The following U2SURP variants were observed in gnomAD, a reference collection of about 807,000 sequenced individuals.
The protein encoded by U2SURP is U2 snRNP-associated SURP motif-containing protein.
Under a neutral mutation model 144.9 loss-of-function variants are expected in U2SURP, and 9 were observed. The observed-to-expected ratio is 0.06, with a 90% CI of 0.04 to 0.11. U2SURP has a LOEUF of 0.11. Ranked by LOEUF, U2SURP falls within the 10% of genes least tolerant of loss-of-function variation. The pLI, the probability that U2SURP is intolerant of heterozygous loss-of-function variation, is 1.00. For missense variants in U2SURP, 724 were observed against 1,226.7 expected (o/e 0.59, Z 6.12); for synonymous variants, 408 against 396.8 (o/e 1.03, Z -0.33).
At chr3:143,021,591 T>C in intron 10 of U2SURP, 36 bp downstream of exon 10, 1 of 1,559,778 alleles carries the variant, frequency 6.4e-7, no homozygotes, top group Non-Finnish European at 8.7e-7. Flanking sequence ...ATTGATATGC[T>C]TTATGCTTTT....
At chr3:143,024,556 G>C (rs180711443) in intron 13 of U2SURP, 2 of 424,492 alleles carry the variant, frequency 4.7e-6, no homozygotes, top group East Asian at 1.5e-4. Flanking sequence ...AAGGTATTTG[G>C]AATTCTTTTA....
At chr3:143,054,414 T>C (rs900653637) in intron 26 of U2SURP, among the ~76,000 whole-genome samples, 5 of 152,232 alleles carry the variant, frequency 3.3e-5, no homozygotes, top group Non-Finnish European at 5.9e-5. Flanking sequence ...TAACAAGTTA[T>C]GCCAATTGGT....
chr3:143,035,417 A>G (rs1349378300), intron 19 of U2SURP, among the ~76,000 whole-genome samples: 1 of 152,192 alleles, frequency 6.6e-6, no homozygotes, highest in East Asian at 1.9e-4. Context: ...ATATGCTTTC[A>G]TGGGAAGAAG....
intron 13 of U2SURP, 42 bp from the exon 14 acceptor site, chr3:143,027,107 G>C: frequency 3.5e-6 from 5 of 1,426,252 alleles, no homozygotes; most frequent in Non-Finnish European, 4.9e-6. Flanking sequence ...TTATATAGTG[G>C]TAGGTCTGAA....
intron 3 of U2SURP, 88 bp downstream of exon 3, chr3:143,012,441 G>T: frequency 7.8e-7 from 1 of 1,279,818 alleles, no homozygotes; most frequent in African/African-American, 1.5e-5. Flanking sequence ...TCGAATATTT[G>T]GTTTTGTATG....
intron 27 of U2SURP, among the ~76,000 whole-genome samples, chr3:143,056,037 T>G (rs546757135): frequency 6.6e-6 from 1 of 152,306 alleles, no homozygotes; most frequent in East Asian, 1.9e-4. Flanking sequence ...AGTTCCATCC[T>G]CCAGAGATTT....
At chr3:143,023,236 A>G in intron 12 of U2SURP, 172 bp downstream of exon 12, 1 of 539,072 alleles carries the variant, frequency 1.9e-6, no homozygotes, top group Non-Finnish European at 3.2e-6. Flanking sequence ...TATATTTGAA[A>G]TACTAGGTCA....
chr3:143,038,070 C>A, intron 21 of U2SURP, 38 bp from the exon 22 acceptor site: 3 of 1,484,688 alleles, frequency 2.0e-6, no homozygotes, highest in Non-Finnish European at 2.7e-6. Flanking sequence ...GGGTCATCCA[C>A]TAGTAGTCAG....
In U2SURP at chr3:143,028,636, C is replaced by T. The variant is rs1443761270; in HGVS notation, c.1600C>T (p.Leu534Phe). 6.3e-7 allele frequency: 1 copy of T among 1,596,542 alleles called. No individual in the cohort carries two copies. Among genetic ancestry groups the T allele is most frequent in the African/African-American group, 1.4e-5 (1 of 73,466 alleles). The change falls in exon 16 of 28, where the codon CTT becomes TTT. Residue 534 changes from leucine to phenylalanine, a missense_variant. Leu to Phe is a conservative substitution (Grantham distance 22). Transcript: ENST00000473835. ...FVEEPSKKGA[L>F]KEEQRDKLEE... ...AGAGGAACCTAGTAAAAAGGGAGCA[C>T]TTAAGGAAGAGTAAGATATTTTTCC... is the stretch of plus-strand genomic sequence containing the variant.
intron 8 of U2SURP, 150 bp downstream of exon 8, chr3:143,020,843 T>A (rs542426671): frequency 1.5e-5 from 9 of 608,500 alleles, no homozygotes; most frequent in African/African-American, 1.3e-4. Context: ...ATAGCTGTGG[T>A]AAAAATTAAT....
chr3:143,021,442 G>C (rs754288199), intron 9 of U2SURP, 31 bp from the exon 10 acceptor site: 5 of 1,611,778 alleles, frequency 3.1e-6, no homozygotes, highest in East Asian at 2.2e-5. Context: ...ATGTTTTGCA[G>C]GTTATAATTC....
rs758365175 is a variant in U2SURP, at chr3:143,022,838, A to T, written c.1019-15A>T. The T allele has an allele frequency of 3.3e-6, 5 of 1,533,844 alleles. No individual in the cohort carries two copies. The South Asian group carries it at 6.4e-5, about 20-fold the overall frequency. On this transcript the variant is annotated splice_polypyrimidine_tract_variant and intron_variant, in intron 11 of 27. Coordinates refer to ENST00000473835, the MANE Select transcript of U2SURP (RefSeq NM_001080415.2). Reference sequence around the variant, plus strand: ...TTGAGAGTTAACAAAATGACCTTTCATTTCTTTCTTGTAGGAAAAATGATT... The same window carrying T: ...TTGAGAGTTAACAAAATGACCTTTCTTTTCTTTCTTGTAGGAAAAATGATT...
At chr3:143,044,077 T>C (rs1005892349) in intron 24 of U2SURP, among the ~76,000 whole-genome samples, 2 of 152,092 alleles carry the variant, frequency 1.3e-5, no homozygotes, top group Non-Finnish European at 2.9e-5. Flanking sequence ...TCTTGAGTGT[T>C]CATAGTTATG....
chr3:143,008,103 T>C (rs139833679), intron 1 of U2SURP, among the ~76,000 whole-genome samples: 33 of 152,378 alleles, frequency 2.2e-4, no homozygotes, highest in Middle Eastern at 3.4e-3. Context: ...ACTATGCTGT[T>C]ACTGCTCTGT....
At chr3:143,044,306 T>TTTTTTTTTTTG (rs1934291403) in intron 24 of U2SURP, among the ~76,000 whole-genome samples, 1 of 132,714 alleles carries the variant, frequency 7.5e-6, no homozygotes, top group African/African-American at 2.7e-5. Flanking sequence ...TTTTTTTTTT[T>TTTTTTTTTTTG]GAGACGGGGT....
chr3:143,015,915 A>G (rs1004806539), intron 4 of U2SURP, among the ~76,000 whole-genome samples: 4 of 152,152 alleles, frequency 2.6e-5, no homozygotes, highest in African/African-American at 4.8e-5. Context: ...GAATTAAATC[A>G]TCATGCCTTG....
chr3:143,028,531 A>T lies in U2SURP; in HGVS notation c.1495A>T (p.Asn499Tyr). The T allele has an allele frequency of 6.3e-7, 1 of 1,593,730 alleles. No individual in the cohort carries two copies. Residue 499 changes from asparagine (N) to tyrosine (Y), a missense_variant, in exon 16 of 28, where the codon AAT (asparagine) becomes TAT (tyrosine). Coordinates refer to ENST00000473835, the MANE Select transcript of U2SURP (RefSeq NM_001080415.2). ...GACGGAAGATTTTCGTATGTTCAAAAATGGATCTTTTTGGAGGCCACCACC... is the reference window on the plus strand; with the variant it reads ...GACGGAAGATTTTCGTATGTTCAAATATGGATCTTTTTGGAGGCCACCACC... ...WRTEDFRMFK[N>Y]GSFWRPPPLN...
At chr3:143,004,337 G>T in intron 1 of U2SURP, among the ~76,000 whole-genome samples, 1 of 145,962 alleles carries the variant, frequency 6.9e-6, no homozygotes, top group Admixed American at 6.9e-5. Flanking sequence ...ACCTCTACAG[G>T]TCTTCTAGTT....
At chr3:143,046,680 C>G (rs2108310690) in intron 24 of U2SURP, among the ~76,000 whole-genome samples, 1 of 109,072 alleles carries the variant, frequency 9.2e-6, no homozygotes, top group East Asian at 2.5e-4. Context: ...AAGAATTTTT[C>G]TTAGTACAGA....
Sources: allele counts gnomAD v4.1 joint callset (sites outside exome capture counted in the v4.1 genomes callset), GRCh38; gene constraint gnomAD v4.1.1; transcripts MANE v1.5; gene names NCBI Gene and HGNC (gene_info 2026-07-23, HGNC 2026-07-21).